HIBCH: variants seen among roughly 807,000 people sequenced by gnomAD.
HIBCH encodes the protein 3-hydroxyisobutyryl-CoA hydrolase, mitochondrial.
Under a neutral mutation model 58.2 loss-of-function variants are expected in HIBCH, and 50 were observed. The ratio of observed to expected loss-of-function variants is 0.86; its 90% CI spans 0.68 to 1.09. The LOEUF (loss-of-function observed/expected upper bound fraction) is 1.09. Ranked by LOEUF, HIBCH falls within the 50% of genes least tolerant of loss-of-function variation. The pLI, the probability that HIBCH is intolerant of heterozygous loss-of-function variation, is 0.00. For synonymous variants in HIBCH, 151 were observed against 146.9 expected (o/e 1.03, Z -0.20); for missense variants, 450 against 449.7 (o/e 1.00, Z -0.01).
chr2:190,296,591 A>G (rs1190160689), intron 3 of HIBCH, among the ~76,000 whole-genome samples: 2 of 152,176 alleles, frequency 1.3e-5, no homozygotes, highest in African/African-American at 4.8e-5. Flanking sequence ...TCAGTGCTAT[A>G]TAAAAGTCAG....
At chr2:190,265,904 C>T (rs184910849) in intron 6 of HIBCH, among the ~76,000 whole-genome samples, 228 of 152,168 alleles carry the variant, frequency 1.5e-3, no homozygotes, top group African/African-American at 5.2e-3. Flanking sequence ...TTTGTCTTTA[C>T]CAACTTATCA....
At chr2:190,289,524 G>A (rs1206070468) in intron 5 of HIBCH, among the ~76,000 whole-genome samples, 1 of 152,050 alleles carries the variant, frequency 6.6e-6, no homozygotes, top group Admixed American at 6.6e-5. Context: ...TTGCTTCTGG[G>A]GAAAGTAATG....
intron 2 of HIBCH, among the ~76,000 whole-genome samples, chr2:190,301,778 G>T (rs1285933151): frequency 2.0e-5 from 3 of 152,206 alleles, no homozygotes; most frequent in East Asian, 3.8e-4. Context: ...TGCCTGGTGA[G>T]ACCCCATTTT....
At chr2:190,299,922 G>T (rs1688216862) in intron 2 of HIBCH, among the ~76,000 whole-genome samples, 1 of 147,590 alleles carries the variant, frequency 6.8e-6, no homozygotes, top group African/African-American at 2.5e-5. Context: ...TGCGGTATCT[G>T]GTTTTCTGTT....
chr2:190,233,148 T>C (rs1686159707), intron 11 of HIBCH, among the ~76,000 whole-genome samples: 1 of 152,106 alleles, frequency 6.6e-6, no homozygotes, highest in African/African-American at 2.4e-5. Flanking sequence ...ACATGTTTTA[T>C]TCCTTAAAAA....
At chr2:190,192,936 A>G (rs1420891150) in intron 1 of HIBCH, among the ~76,000 whole-genome samples, 2 of 152,076 alleles carry the variant, frequency 1.3e-5, no homozygotes, top group Non-Finnish European at 2.9e-5. Context: ...TTTTCTCTAT[A>G]CAATTTTGTC....
At chr2:190,218,035 A>G (rs1162786850) in intron 11 of HIBCH, among the ~76,000 whole-genome samples, 1 of 152,154 alleles carries the variant, frequency 6.6e-6, no homozygotes, top group African/African-American at 2.4e-5. Flanking sequence ...CTAGGGGTGG[A>G]AAGTAGGAAA....
chr2:190,296,927 T>C lies in HIBCH; in HGVS notation c.105A>G (p.Ala35=). The C allele has an allele frequency of 1.9e-6, 3 of 1,614,180 alleles. No homozygotes were observed. Among genetic ancestry groups the C allele is most frequent in the Non-Finnish European group, 2.5e-6 (3 of 1,180,012 alleles). The change falls in exon 3 of 14, where the codon GCA becomes GCG. Residue 35 remains alanine (A), a synonymous_variant. Coordinates refer to ENST00000359678, the MANE Select transcript of HIBCH (RefSeq NM_014362.4). Reference sequence around the variant, plus strand: ...CTTTTTTTTCCAATAGCACCTCTTCTGCTGCATCTGTGTGCTTGGACATTC... The same window carrying C: ...CTTTTTTTTCCAATAGCACCTCTTCCGCTGCATCTGTGTGCTTGGACATTC... The part of the protein sequence containing the change: ...HLRMSKHTDA[A]EEVLLEKKGC...
chr2:190,235,274 C>T (rs1686235861), intron 11 of HIBCH, among the ~76,000 whole-genome samples: 3 of 152,110 alleles, frequency 2.0e-5, no homozygotes, highest in Admixed American at 2.0e-4. Flanking sequence ...TCAGATGTAC[C>T]GAATCTCAAG....
At chr2:190,223,746 C>A (rs1447237883) in intron 11 of HIBCH, among the ~76,000 whole-genome samples, 1 of 152,190 alleles carries the variant, frequency 6.6e-6, no homozygotes, top group Non-Finnish European at 1.5e-5. Flanking sequence ...ATAAAGAAAG[C>A]TAAAGGAGCT....
At chr2:190,224,320 C>G (rs1367822908) in intron 11 of HIBCH, among the ~76,000 whole-genome samples, 3 of 152,138 alleles carry the variant, frequency 2.0e-5, no homozygotes, top group African/African-American at 7.2e-5. Context: ...TAGACTCCAC[C>G]TCTGGGGTCA....
In HIBCH at chr2:190,216,423, G is replaced by A. The variant is rs941903262; in HGVS notation, c.892-3348C>T. On this transcript the variant is annotated intron_variant, in intron 11 of 13. Coordinates refer to ENST00000359678, the MANE Select transcript of HIBCH (RefSeq NM_014362.4). The surrounding 1 kb of genome is among the most constrained non-coding windows in gnomAD (Gnocchi z 4.2). ...TACTGAGAGGCTGTAAGTCCACCACGGGCAGCTGTCAGTAAGGCTGCAGAA... is the reference window on the plus strand; with the variant it reads ...TACTGAGAGGCTGTAAGTCCACCACAGGCAGCTGTCAGTAAGGCTGCAGAA... Among the ~76,000 whole-genome samples, 4 of 152,172 alleles carry A rather than the reference G, an allele frequency of 2.6e-5. No homozygotes were observed. Among genetic ancestry groups the A allele is most frequent in the East Asian group, 1.9e-4 (1 of 5,196 alleles).
chr2:190,199,859 A>G (rs750226813), downstream of HIBCH: 1 of 1,613,252 alleles, frequency 6.2e-7, no homozygotes, highest in Non-Finnish European at 8.5e-7. Context: ...GCTCTTCATA[A>G]CATGGGCTGC....
chr2:190,302,669 A>G (rs1424450343), intron 2 of HIBCH, among the ~76,000 whole-genome samples: 1 of 152,142 alleles, frequency 6.6e-6, no homozygotes, highest in East Asian at 1.9e-4. Context: ...AGGTATTACA[A>G]GGTGTGTCCA....
intron 11 of HIBCH, chr2:190,220,260 T>G (rs1041665996): frequency 6.6e-6 from 1 of 152,184 alleles, no homozygotes; most frequent in Admixed American, 6.5e-5. Context: ...AGTTTATTGT[T>G]GAATAACTAT....
Position 190,214,067 on chromosome 2 carries a change from G to A in HIBCH, c.892-992C>T, listed in dbSNP as rs960583927. 1.3e-5 allele frequency: 2 copies of A among 152,174 alleles called. No homozygotes were observed. Among genetic ancestry groups the A allele is most frequent in the African/African-American group, 2.4e-5 (1 of 41,422 alleles). 9.4% of individuals were successfully genotyped at this position (152,174 alleles called of 1,614,324 possible). A position where few individuals can be genotyped will look rare whatever the true frequency, so the allele number is the denominator to read the frequency against. ...CCTGTATGGAGTTAAGACTCCAGCC[G>A]AGAAGGGAGACGCACCCCACTTGAT... is the stretch of plus-strand genomic sequence containing the variant. On this transcript the variant is annotated intron_variant, in intron 11 of 13. Coordinates refer to ENST00000359678, the MANE Select transcript of HIBCH (RefSeq NM_014362.4). This position sits in a 1 kb window ranked among gnomAD's most constrained non-coding sequence, Gnocchi z 5.5.
Position 190,287,641 on chromosome 2 carries a change from G to A in HIBCH, c.386-3C>T. ...AACATAAGGTTTCTGGCAAGAACCT[G>A]AAAGAAACAGAGCTGTAATTTTAGT... On this transcript the variant is annotated splice_region_variant and splice_polypyrimidine_tract_variant and intron_variant, in intron 5 of 13. Coordinates refer to ENST00000359678, the MANE Select transcript of HIBCH (RefSeq NM_014362.4). 1 of 1,606,508 alleles carries A rather than the reference G, an allele frequency of 6.2e-7. No homozygotes were observed. Among genetic ancestry groups the A allele is most frequent in the Non-Finnish European group, 8.5e-7 (1 of 1,173,524 alleles).
intron 11 of HIBCH, among the ~76,000 whole-genome samples, chr2:190,218,198 C>T (rs1157062988): frequency 6.6e-6 from 1 of 150,554 alleles, no homozygotes; most frequent in African/African-American, 2.5e-5. Flanking sequence ...CTAAAACAGA[C>T]CGTTATTGGG....
At chr2:190,295,315 A>T (rs1043847794) in intron 3 of HIBCH, among the ~76,000 whole-genome samples, 1 of 152,186 alleles carries the variant, frequency 6.6e-6, no homozygotes, top group Non-Finnish European at 1.5e-5. Context: ...ACTTTTTTAG[A>T]TTTTAGAATA....
Sources: gnomAD v4.1 joint callset for allele counts (sites outside exome capture counted in the v4.1 genomes callset) on GRCh38, gnomAD v4.1.1 for gene constraint, Gnocchi (gnomAD v3.1) non-coding constraint, MANE v1.5 for transcripts, NCBI Gene and HGNC (gene_info 2026-07-23, HGNC 2026-07-21) for gene names.